TBC1D12: variants seen among roughly 807,000 people sequenced by gnomAD.
The protein encoded by TBC1D12 is TBC1 domain family, member 12.
In TBC1D12, 56 loss-of-function variants were observed where a neutral mutation model predicts 86.7. The ratio of observed to expected loss-of-function variants is 0.65; its 90% CI spans 0.52 to 0.81. The LOEUF (loss-of-function observed/expected upper bound fraction) is 0.81. TBC1D12 is among the 30% of genes least tolerant of loss of function. The pLI is 0.00. For synonymous variants in TBC1D12, 421 were observed against 411.7 expected, an observed-to-expected ratio of 1.02 and a Z score of -0.27; for missense variants, 1,023 against 1,038.8, an observed-to-expected ratio of 0.98 and a Z score of 0.21.
intron 1 of TBC1D12, among the ~76,000 whole-genome samples, chr10:94,412,836 T>C (rs1296304304): frequency 3.3e-5 from 5 of 152,246 alleles, no homozygotes; most frequent in African/African-American, 1.2e-4. Context: ...CAGATAGTTA[T>C]GGCTGATAGT....
Position 94,428,029 on chromosome 10 carries a change from A to G in TBC1D12, c.972-13867A>G, listed in dbSNP as rs367706157. Among the ~76,000 whole-genome samples the G allele has an allele frequency of 1.3e-3, 200 of 152,144 alleles. 1 individual carries two copies. The highest frequency in any genetic ancestry group is 4.5e-3 in the African/African-American group (188 of 41,538). On this transcript the variant is annotated intron_variant, in intron 1 of 12. Coordinates refer to ENST00000225235, the MANE Select transcript of TBC1D12 (RefSeq NM_015188.2). Reference sequence around the variant, plus strand: ...TGTTTAAAATGAAGGCATTTTGGCAATGTGTAGGATGGAAAAGATTAGGGA... The same window carrying G: ...TGTTTAAAATGAAGGCATTTTGGCAGTGTGTAGGATGGAAAAGATTAGGGA...
chr10:94,486,576 G>A (rs1392950069), intron 3 of TBC1D12, among the ~76,000 whole-genome samples: 1 of 151,934 alleles, frequency 6.6e-6, no homozygotes, highest in African/African-American at 2.4e-5. Flanking sequence ...CATTCAGGAG[G>A]ATATTGTTTA....
intron 1 of TBC1D12, among the ~76,000 whole-genome samples, chr10:94,407,509 C>G (rs2054872365): frequency 6.6e-6 from 1 of 152,170 alleles, no homozygotes; most frequent in Admixed American, 6.5e-5. Context: ...TGGCGAAACC[C>G]TGTCTCTACT....
intron 6 of TBC1D12, among the ~76,000 whole-genome samples, 170 bp from the exon 7 acceptor site, chr10:94,507,097 A>C (rs778347221): frequency 1.5e-4 from 23 of 152,188 alleles, no homozygotes; most frequent in Non-Finnish European, 2.8e-4. Context: ...TTTCTTTCTG[A>C]GTATATAATG....
intron 2 of TBC1D12, among the ~76,000 whole-genome samples, chr10:94,466,837 C>G (rs1207680131): frequency 6.6e-6 from 1 of 152,186 alleles, no homozygotes; most frequent in Non-Finnish European, 1.5e-5. Context: ...TCCTATTTCT[C>G]TTTCAGTGTC....
rs539231467 is a variant in TBC1D12, at chr10:94,522,195, A to G, written c.1890+112A>G. Reference sequence around the variant, plus strand: ...TAATCTAATATAAACTTATCATTATATTATAGTTTATTAATGAATGTTTGC... The same window carrying G: ...TAATCTAATATAAACTTATCATTATGTTATAGTTTATTAATGAATGTTTGC... On this transcript the variant is annotated intron_variant, in intron 10 of 12. Transcript: ENST00000225235. The G allele has an allele frequency of 2.3e-6, 3 of 1,303,652 alleles. 1 individual carries two copies. The Admixed American group carries it at 7.5e-5, about 33-fold the overall frequency. 80.8% of individuals were successfully genotyped at this position (1,303,652 alleles called of 1,614,324 possible).
At chr10:94,414,056 AG>A (rs1194258269) in intron 1 of TBC1D12, among the ~76,000 whole-genome samples, 1 of 152,100 alleles carries the variant, frequency 6.6e-6, no homozygotes, top group African/African-American at 2.4e-5. Context: ...ATACTATAAT[AG>A]TTTACTTTTT....
rs1010700534 is a variant in TBC1D12, at chr10:94,511,200, C to T, written c.1690-383C>T. ...GCAACCACTGCCTCCTGAGTTCAAG[C>T]GATTCTTGTGCCTCAGCCACCCGAG... On this transcript the variant is annotated intron_variant, in intron 8 of 12. Coordinates refer to ENST00000225235, the MANE Select transcript of TBC1D12 (RefSeq NM_015188.2). Among the ~76,000 whole-genome samples, 4 of 147,942 alleles carry T rather than the reference C, an allele frequency of 2.7e-5. No homozygotes were observed. In the South Asian group the frequency reaches 6.3e-4, roughly 23 times the overall value.
intron 2 of TBC1D12, among the ~76,000 whole-genome samples, chr10:94,457,651 C>T (rs1014695350): frequency 3.9e-5 from 6 of 152,178 alleles, no homozygotes; most frequent in African/African-American, 1.2e-4. Context: ...GGATTATTAT[C>T]TCTCATTTCT....
At chr10:94,477,212 G>A (rs1419841308) in intron 3 of TBC1D12, among the ~76,000 whole-genome samples, 4 of 152,084 alleles carry the variant, frequency 2.6e-5, no homozygotes, top group Admixed American at 2.0e-4. Context: ...TTGGTCTCTA[G>A]TGTTCCACCC....
At chr10:94,407,044 C>T (rs146962865) in intron 1 of TBC1D12, among the ~76,000 whole-genome samples, 6 of 147,650 alleles carry the variant, frequency 4.1e-5, no homozygotes, top group African/African-American at 1.3e-4. Flanking sequence ...AAAATCTATA[C>T]GAGAAACCTT....
intron 3 of TBC1D12, among the ~76,000 whole-genome samples, chr10:94,481,150 A>G (rs2056072851): frequency 6.6e-6 from 1 of 151,316 alleles, no homozygotes; most frequent in Non-Finnish European, 1.5e-5. Flanking sequence ...TATTGAGCAC[A>G]GGTAGAGTAG....
intron 1 of TBC1D12, among the ~76,000 whole-genome samples, chr10:94,423,425 G>A (rs2055104511): frequency 7.3e-6 from 1 of 137,678 alleles, no homozygotes. Context: ...TTGGCTCACT[G>A]CAACCTCCGC....
chr10:94,531,657 A>ATTTTG (rs1336222010), intron 12 of TBC1D12, among the ~76,000 whole-genome samples, 197 bp downstream of exon 12: 3 of 140,090 alleles, frequency 2.1e-5, no homozygotes, highest in Admixed American at 7.2e-5. Context: ...ATTTTATTTT[A>ATTTTG]TTTTATTTTA....
At chr10:94,420,478 ACATTT>A (rs893480759) in intron 1 of TBC1D12, among the ~76,000 whole-genome samples, 4 of 152,234 alleles carry the variant, frequency 2.6e-5, no homozygotes, top group African/African-American at 9.6e-5. Context: ...TAATTCTAGA[ACATTT>A]CATTACCCCA....
intron 1 of TBC1D12, among the ~76,000 whole-genome samples, chr10:94,437,894 G>A (rs1047214791): frequency 1.3e-5 from 2 of 148,616 alleles, no homozygotes; most frequent in African/African-American, 5.0e-5. Context: ...TGCCTTTACT[G>A]GTATTCTCAT....
intron 2 of TBC1D12, among the ~76,000 whole-genome samples, chr10:94,451,822 A>G (rs1355898639): frequency 6.6e-6 from 1 of 152,058 alleles, no homozygotes; most frequent in Non-Finnish European, 1.5e-5. Context: ...ACATGATGTC[A>G]TCCTTCAGAG....
chr10:94,440,318 C>T (rs1161467936), intron 1 of TBC1D12, among the ~76,000 whole-genome samples: 1 of 151,942 alleles, frequency 6.6e-6, no homozygotes, highest in Non-Finnish European at 1.5e-5. Flanking sequence ...ACAAGGTGTG[C>T]ACCACCATGC....
chr10:94,502,548 A>AC, intron 6 of TBC1D12, among the ~76,000 whole-genome samples: 1 of 152,044 alleles, frequency 6.6e-6, no homozygotes, highest in East Asian at 1.9e-4. Flanking sequence ...CTACAAAAAA[A>AC]ATCTCAAAAT....
Sources: gnomAD v4.1 joint callset for allele counts (sites outside exome capture counted in the v4.1 genomes callset) on GRCh38, gnomAD v4.1.1 for gene constraint, MANE v1.5 for transcripts, NCBI Gene and HGNC (gene_info 2026-07-23, HGNC 2026-07-21) for gene names.